Variants in DAPK1 observed in about 807,000 individuals in gnomAD.
DAPK1 encodes death-associated protein kinase 1.
In DAPK1, 56 loss-of-function variants were observed where a neutral mutation model predicts 144.9. That is an observed-to-expected ratio of 0.39 (90% CI 0.31 to 0.48). DAPK1 has a LOEUF of 0.48. DAPK1 is among the 20% of genes least tolerant of loss of function. The probability of loss-of-function intolerance (pLI) is 0.95; values close to 1 mark genes in which losing one functional copy is unlikely to be tolerated. For missense variants in DAPK1, 1,454 were observed against 1,875.4 expected, an observed-to-expected ratio of 0.78 and a Z score of 4.15; for synonymous variants, 690 against 749.0, an observed-to-expected ratio of 0.92 and a Z score of 1.29.
At chr9:87,669,234 G>A (rs953173793) in intron 19 of DAPK1, among the ~76,000 whole-genome samples, 6 of 151,724 alleles carry the variant, frequency 4.0e-5, no homozygotes, top group African/African-American at 1.5e-4. Context: ...TGGAAACACA[G>A]ATAACCCACG....
chr9:87,660,701 T>C (rs182883198), intron 18 of DAPK1, among the ~76,000 whole-genome samples: 28 of 152,278 alleles, frequency 1.8e-4, no homozygotes, highest in East Asian at 1.2e-3. Flanking sequence ...GTACACATCA[T>C]TTAGTGCCCA....
chr9:87,541,391 T>C (rs1826045478), intron 2 of DAPK1, among the ~76,000 whole-genome samples: 1 of 151,868 alleles, frequency 6.6e-6, no homozygotes, highest in Admixed American at 6.6e-5. Context: ...CTACTGAAAA[T>C]ACAAAAAATT....
At chr9:87,512,180 C>G (rs368650135) in intron 2 of DAPK1, among the ~76,000 whole-genome samples, 1 of 152,344 alleles carries the variant, frequency 6.6e-6, no homozygotes, top group East Asian at 1.9e-4. Context: ...ACCTCAGCCT[C>G]CTGCATAGCT....
At chr9:87,659,787 G>A (rs190285107) in intron 18 of DAPK1, among the ~76,000 whole-genome samples, 152 of 152,224 alleles carry the variant, frequency 1.0e-3, no homozygotes, top group Non-Finnish European at 1.5e-3. Context: ...CACCCGCAGC[G>A]CTCATTCTGC....
chr9:87,689,843 A>C (rs1278539307), intron 21 of DAPK1, among the ~76,000 whole-genome samples: 2 of 152,102 alleles, frequency 1.3e-5, no homozygotes, highest in Non-Finnish European at 2.9e-5. Context: ...TGAGTTTTCT[A>C]TTCTGTTCCA....
chr9:87,698,335 C>T (rs1203548254), intron 22 of DAPK1: 2 of 238,798 alleles, frequency 8.4e-6, no homozygotes, highest in Non-Finnish European at 1.6e-5. Context: ...AGCGGCATCC[C>T]TTTTGTCACA....
chr9:87,697,337 C>T (rs921910690), intron 22 of DAPK1, 133 bp downstream of exon 22: 7 of 630,338 alleles, frequency 1.1e-5, no homozygotes, highest in East Asian at 2.7e-5. Context: ...CAGATCCCAC[C>T]GTTTGTGGCT....
intron 2 of DAPK1, among the ~76,000 whole-genome samples, chr9:87,523,481 G>T (rs566590889): frequency 6.6e-6 from 1 of 152,218 alleles, no homozygotes; most frequent in African/African-American, 2.4e-5. Flanking sequence ...AAAATTTATT[G>T]TAGAGAAGAG....
chr9:87,536,167 C>G (rs978999286), intron 2 of DAPK1, among the ~76,000 whole-genome samples: 1 of 152,174 alleles, frequency 6.6e-6, no homozygotes. Context: ...CAAAGCAGCC[C>G]CTTCCCTAAA....
intron 2 of DAPK1, among the ~76,000 whole-genome samples, chr9:87,584,512 C>G (rs148049575): frequency 6.6e-6 from 1 of 152,252 alleles, no homozygotes; most frequent in East Asian, 1.9e-4. Flanking sequence ...ATTTTTAATT[C>G]TTTGTGGAAC....
intron 2 of DAPK1, among the ~76,000 whole-genome samples, chr9:87,539,704 C>T (rs1042973523): frequency 2.0e-5 from 3 of 152,066 alleles, no homozygotes; most frequent in Non-Finnish European, 4.4e-5. Flanking sequence ...AGGCATAAGC[C>T]ACTGGGCCCA....
intron 1 of DAPK1, chr9:87,498,720 G>A: frequency 2.3e-6 from 1 of 432,604 alleles, no homozygotes; most frequent in South Asian, 7.8e-5. Context: ...GATCCCAACA[G>A]ACCGCCCAGC....
chr9:87,529,331 A>G (rs1158144340), intron 2 of DAPK1, among the ~76,000 whole-genome samples: 1 of 152,128 alleles, frequency 6.6e-6, no homozygotes, highest in Admixed American at 6.5e-5. Context: ...AGGAGAAAAG[A>G]ATTGAGGTTG....
chr9:87,590,588 A>AT (rs1008200773), intron 2 of DAPK1, among the ~76,000 whole-genome samples: 30 of 148,706 alleles, frequency 2.0e-4, no homozygotes, highest in African/African-American at 6.4e-4. Context: ...TACTTAAAAA[A>AT]TTTTTTTTTT....
chr9:87,634,645 T>C (rs1192484000), intron 3 of DAPK1, among the ~76,000 whole-genome samples: 1 of 152,102 alleles, frequency 6.6e-6, no homozygotes, highest in Non-Finnish European at 1.5e-5. Flanking sequence ...AGCATGAGGA[T>C]GAGATGCTGT....
intron 21 of DAPK1, among the ~76,000 whole-genome samples, chr9:87,687,339 C>T (rs1207474411): frequency 6.6e-6 from 1 of 152,194 alleles, no homozygotes; most frequent in Non-Finnish European, 1.5e-5. Context: ...TCCCTACCTC[C>T]ATAAAATCAA....
chr9:87,619,281 G>A (rs1000201338), intron 3 of DAPK1, among the ~76,000 whole-genome samples: 1 of 152,162 alleles, frequency 6.6e-6, no homozygotes, highest in African/African-American at 2.4e-5. Context: ...AAACATTTAT[G>A]TGTCTCTCCT....
chr9:87,666,843 C>A (rs118025693), intron 18 of DAPK1, among the ~76,000 whole-genome samples: 1 of 152,234 alleles, frequency 6.6e-6, no homozygotes, highest in South Asian at 2.1e-4. Context: ...TTCATCCTGT[C>A]GGTGAAAGGC....
At chr9:87,584,933 TC>T (rs561438014) in intron 2 of DAPK1, among the ~76,000 whole-genome samples, 406 of 152,310 alleles carry the variant, frequency 2.7e-3, no homozygotes, top group Non-Finnish European at 4.3e-3. Flanking sequence ...CACCTCGGCC[TC>T]TCAAAGTTCT....
Sources: allele counts gnomAD v4.1 joint callset (sites outside exome capture counted in the v4.1 genomes callset), GRCh38; gene constraint gnomAD v4.1.1; transcripts MANE v1.5; gene names NCBI Gene and HGNC (gene_info 2026-07-23, HGNC 2026-07-21).